The following SLC35F4 variants were observed in gnomAD, a reference collection of about 807,000 sequenced individuals.
SLC35F4 encodes solute carrier family 35 member F4.
A neutral mutation model predicts 44.2 loss-of-function variants in SLC35F4; 24 were observed. The ratio of observed to expected loss-of-function variants is 0.54; its 90% CI spans 0.39 to 0.76. The LOEUF (loss-of-function observed/expected upper bound fraction) is 0.76. Ranked by LOEUF, SLC35F4 falls within the 30% of genes least tolerant of loss-of-function variation. SLC35F4 has a pLI of 0.00. For synonymous variants in SLC35F4, 238 were observed against 223.6 expected (o/e 1.06, Z -0.57); for missense variants, 562 against 586.1 (o/e 0.96, Z 0.42).
At chr14:57,789,516 C>T (rs1233063060) in intron 1 of SLC35F4, among the ~76,000 whole-genome samples, 1 of 152,008 alleles carries the variant, frequency 6.6e-6, no homozygotes, top group Non-Finnish European at 1.5e-5. Context: ...AGCCTACCAA[C>T]CAAAAAAAGC....
At chr14:57,937,645 GAAAAGAA>G (rs1889838611) in intron 1 of SLC35F4, among the ~76,000 whole-genome samples, 7 of 116,582 alleles carry the variant, frequency 6.0e-5, no homozygotes, top group South Asian at 5.4e-4. Flanking sequence ...GAAAAGAAAA[GAAAAGAA>G]AAAAGAAAAG....
At chr14:57,692,012 C>T (rs1555372745) in intron 1 of SLC35F4, among the ~76,000 whole-genome samples, 1 of 152,006 alleles carries the variant, frequency 6.6e-6, no homozygotes, top group South Asian at 2.1e-4. Context: ...AAAACTGTAA[C>T]ATGCAAAAAG....
chr14:57,928,569 T>C (rs1324463982), intron 1 of SLC35F4, among the ~76,000 whole-genome samples: 2 of 152,222 alleles, frequency 1.3e-5, no homozygotes, highest in Middle Eastern at 3.2e-3. Flanking sequence ...TCCCTTCCCC[T>C]GGCAGTGTGG....
chr14:57,947,348 T>C lies in SLC35F4; in HGVS notation n.282+34565A>G, dbSNP rs529844305. 6.6e-5 allele frequency among the ~76,000 whole-genome samples: 10 copies of C among 152,170 alleles called. No homozygotes were observed. The South Asian group carries it at 2.1e-3, about 32-fold the overall frequency. On this transcript the variant is annotated intron_variant and non_coding_transcript_variant, in intron 1 of 1. Coordinates refer to the SLC35F4 transcript ENST00000556568. ...TCTCAGGTTGGTCACTGTTAGTGTATAGCAGTGCTACTGATTTGTGTATAT... is the reference window on the plus strand; with the variant it reads ...TCTCAGGTTGGTCACTGTTAGTGTACAGCAGTGCTACTGATTTGTGTATAT...
chr14:57,619,346 C>T (rs145086024), intron 1 of SLC35F4, among the ~76,000 whole-genome samples: 3,404 of 152,258 alleles, frequency 0.022, 69 homozygotes, highest in South Asian at 0.048. Context: ...GAGAAAGGAA[C>T]AGGCAGCAAT....
intron 1 of SLC35F4, among the ~76,000 whole-genome samples, chr14:57,789,434 A>C (rs555848431): frequency 2.0e-5 from 3 of 152,324 alleles, no homozygotes; most frequent in African/African-American, 7.2e-5. Context: ...CACCCTCCCA[A>C]GACTAAACCA....
intron 1 of SLC35F4, among the ~76,000 whole-genome samples, chr14:57,797,292 G>A (rs886278453): frequency 6.6e-6 from 1 of 152,136 alleles, no homozygotes; most frequent in Non-Finnish European, 1.5e-5. Flanking sequence ...CTCTGCCCCA[G>A]GTAATTTATG....
chr14:57,933,969 C>T (rs1027229496), intron 1 of SLC35F4, among the ~76,000 whole-genome samples: 1 of 152,064 alleles, frequency 6.6e-6, no homozygotes, highest in Non-Finnish European at 1.5e-5. Flanking sequence ...GTCCTAGTTG[C>T]TAGGGGTTTG....
chr14:57,654,302 C>A (rs1203388771), intron 1 of SLC35F4, among the ~76,000 whole-genome samples: 1 of 152,106 alleles, frequency 6.6e-6, no homozygotes, highest in Non-Finnish European at 1.5e-5. Context: ...CCTTTGCGTC[C>A]TCATAGCTTA....
intron 1 of SLC35F4, among the ~76,000 whole-genome samples, chr14:57,956,749 C>G (rs911290078): frequency 2.6e-5 from 4 of 152,200 alleles, no homozygotes; most frequent in Admixed American, 6.5e-5. Context: ...GAGATACCAT[C>G]TCATGCCAGT....
At chr14:57,870,032 G>T (rs1888262015), upstream of SLC35F4, among the ~76,000 whole-genome samples, 1 of 152,098 alleles carries the variant, frequency 6.6e-6, no homozygotes, top group Non-Finnish European at 1.5e-5. Context: ...CTAATTTTGA[G>T]GCTCAACTCT....
Position 57,581,207 on chromosome 14 carries a change from C to A in SLC35F4, c.807+7G>T, listed in dbSNP as rs1353999847. The A allele has an allele frequency of 6.5e-7, 1 of 1,538,660 alleles. No individual in the cohort carries two copies. On this transcript the variant is annotated splice_region_variant and intron_variant, in intron 4 of 7. Coordinates refer to ENST00000556826, the MANE Select transcript of SLC35F4 (RefSeq NM_001306087.2). ...GGCATCGCGCATTGAATCAAGTATG[C>A]CATTACCCTCACTCCCATGAACCTG...
rs913854747 is a variant in SLC35F4 at position 57,789,530 on chromosome 14, G to A, written c.103+76193C>T. Among the ~76,000 whole-genome samples, 21 of 152,200 alleles carry A rather than the reference G, an allele frequency of 1.4e-4. No individual in the cohort carries two copies. The East Asian group carries it at 2.9e-3, about 21-fold the overall frequency. On this transcript the variant is annotated intron_variant, in intron 1 of 7. Transcript: ENST00000556826. ...TAGCCTACCAACCAAAAAAAGCCCC[G>A]GACCAGATGGATTCACAGCTGAATT...
intron 1 of SLC35F4, among the ~76,000 whole-genome samples, chr14:57,695,727 T>C (rs1057138423): frequency 1.3e-5 from 2 of 152,150 alleles, no homozygotes; most frequent in African/African-American, 4.8e-5. Flanking sequence ...CACACGCATG[T>C]TTATAACAGC....
Position 57,900,682 on chromosome 14 carries a change from G to T in SLC35F4, n.282+81231C>A, listed in dbSNP as rs150903744. Among the ~76,000 whole-genome samples the T allele has an allele frequency of 0.03, 4,561 of 152,212 alleles. 428 individuals are homozygous for T. In the East Asian group the frequency reaches 0.39, roughly 13 times the overall value. ...AACAAAAGCAAAAATTGACAAATAG[G>T]ATCTAATTAAAGAGTTTCTGCACAG... On this transcript the variant is annotated intron_variant and non_coding_transcript_variant, in intron 1 of 1. Transcript: ENST00000556568.
At position 57,573,851 on chromosome 14, in the gene SLC35F4, T is replaced by C. The variant is rs2068644323; in HGVS notation, c.808-1832A>G. 2.0e-5 allele frequency among the ~76,000 whole-genome samples: 3 copies of C among 152,354 alleles called. 1 individual carries two copies. In the South Asian group the frequency reaches 6.2e-4, roughly 32 times the overall value. On this transcript the variant is annotated intron_variant, in intron 4 of 7. Transcript: ENST00000556826. ...GATAATACATTTGAGTTAACGTTTG[T>C]TTTCTTTTAGCTAAGCATTGCATTT...
At chr14:57,853,847 C>A (rs1057059275) in intron 1 of SLC35F4, among the ~76,000 whole-genome samples, 1 of 152,162 alleles carries the variant, frequency 6.6e-6, no homozygotes, top group East Asian at 1.9e-4. Flanking sequence ...CCATCTTACC[C>A]CTCCCCTTCA....
At chr14:57,713,883 A>G (rs1459998346) in intron 1 of SLC35F4, among the ~76,000 whole-genome samples, 4 of 152,128 alleles carry the variant, frequency 2.6e-5, no homozygotes, top group African/African-American at 9.7e-5. Context: ...CTTCCATCGA[A>G]CTGCTGTTGT....
chr14:57,737,925 A>T (rs2076507391), intron 1 of SLC35F4, among the ~76,000 whole-genome samples: 1 of 152,256 alleles, frequency 6.6e-6, no homozygotes, highest in African/African-American at 2.4e-5. Context: ...ATTCATAAGT[A>T]GGGAAGATTC....
Sources: allele counts gnomAD v4.1 joint callset (sites outside exome capture counted in the v4.1 genomes callset), GRCh38; gene constraint gnomAD v4.1.1; transcripts MANE v1.5; gene names NCBI Gene and HGNC (gene_info 2026-07-23, HGNC 2026-07-21).